The following ACSF3 variants were observed in gnomAD, a reference collection of about 807,000 sequenced individuals.
ACSF3 encodes acyl-CoA synthetase family member 3.
In ACSF3, 78 loss-of-function variants were observed where a neutral mutation model predicts 53.2. That is an observed-to-expected ratio of 1.47 (90% CI 1.22 to 1.77). ACSF3 has a LOEUF of 1.77. Among genes scored for constraint, ACSF3 ranks in the 40% most tolerant of loss-of-function variants. The pLI is 0.00. For missense variants in ACSF3, 937 were observed against 771.1 expected, an observed-to-expected ratio of 1.22 and a Z score of -2.55; for synonymous variants, 414 against 333.1, an observed-to-expected ratio of 1.24 and a Z score of -2.65.
chr16:89,135,721 G>T (rs1266326055), intron 8 of ACSF3, among the ~76,000 whole-genome samples: 2 of 152,256 alleles, frequency 1.3e-5, no homozygotes, highest in Non-Finnish European at 2.9e-5. Context: ...CATCCCTCCA[G>T]TGCCCTCTGA....
At position 89,127,248 on chromosome 16, in the gene ACSF3, TCTCTC is replaced by T. The variant is rs1288786180; in HGVS notation, c.1240-5883_1240-5879del. On this transcript the variant is annotated intron_variant, in intron 7 of 10. Transcript: ENST00000614302. ...CCTCATTAAATGAGTTGGGAAGTGT[TCTCTC>T]CTCTTTTTTTTTCTGGAAGAGATTG... is the stretch of plus-strand genomic sequence containing the variant. Among the ~76,000 whole-genome samples, 55 of 152,252 alleles carry T rather than the reference TCTCTC, an allele frequency of 3.6e-4. 1 individual carries two copies. Among genetic ancestry groups the T allele is most frequent in the Middle Eastern group, 6.8e-3 (2 of 294 alleles).
At chr16:89,095,250 C>T (rs958592245) in intron 1 of ACSF3, 1 of 152,330 alleles carries the variant, frequency 6.6e-6, no homozygotes, top group African/African-American at 2.4e-5. Flanking sequence ...GGCTCTGAAC[C>T]ATCTCCTCAA....
At chr16:89,106,846 A>T (rs1459047549) in intron 4 of ACSF3, among the ~76,000 whole-genome samples, 2 of 152,218 alleles carry the variant, frequency 1.3e-5, no homozygotes, top group African/African-American at 4.8e-5. Context: ...TCCTGCACAG[A>T]GGGCCGTGGG....
chr16:89,114,274 TGCCACCTTTGCACGCGAGA>T (rs1904637609), intron 5 of ACSF3, 46 bp from the exon 6 acceptor site: 1 of 1,606,930 alleles, frequency 6.2e-7, no homozygotes, highest in South Asian at 1.1e-5. Flanking sequence ...GGGCTAAACC[TGCCACCTTTGCACGCGAGA>T]GCCACGTCCC....
intron 8 of ACSF3, chr16:89,141,023 T>G (rs1247742368): frequency 8.1e-7 from 1 of 1,234,470 alleles, no homozygotes; most frequent in East Asian, 5.8e-5. Context: ...TAGGTTGTTA[T>G]GGAAAGTAAA....
At chr16:89,144,311 C>T (rs908740115) in intron 8 of ACSF3, among the ~76,000 whole-genome samples, 5 of 152,256 alleles carry the variant, frequency 3.3e-5, no homozygotes, top group South Asian at 2.1e-4. Context: ...GCAAGGGCCA[C>T]GTCGTGGCTT....
intron 4 of ACSF3, among the ~76,000 whole-genome samples, chr16:89,105,086 C>T (rs118072370): frequency 0.028 from 4,167 of 149,290 alleles, 208 homozygotes; most frequent in East Asian, 0.18. Context: ...CTGAGGGCCC[C>T]GTCGCCAGGG....
In ACSF3 at chr16:89,154,437, C is replaced by T. The variant is rs762693999; in HGVS notation, c.*230C>T. ...CCTGGTGTCACCTCTGCCTGGTCAC[C>T]GCCGACCTCATCTGTGCAGCGCGGT... On this transcript the variant is annotated 3_prime_UTR_variant, in exon 11 of 11. Coordinates refer to ENST00000614302, the MANE Select transcript of ACSF3 (RefSeq NM_001243279.3). The T allele has an allele frequency of 1.8e-5, 12 of 659,016 alleles. No homozygotes were observed. The highest frequency in any genetic ancestry group is 5.3e-5 in the African/African-American group (3 of 56,158). 40.8% of individuals were successfully genotyped at this position (659,016 alleles called of 1,614,324 possible). A position where few individuals can be genotyped will look rare whatever the true frequency, so the allele number is the denominator to read the frequency against.
chr16:89,142,674 CAG>C (rs1316649718), intron 8 of ACSF3, among the ~76,000 whole-genome samples: 1 of 149,804 alleles, frequency 6.7e-6, no homozygotes, highest in Admixed American at 6.7e-5. Flanking sequence ...GCCACACCTG[CAG>C]AGACACCCTC....
intron 3 of ACSF3, 68 bp downstream of exon 3, chr16:89,101,415 A>C (rs1975326160): frequency 1.3e-6 from 2 of 1,547,146 alleles, no homozygotes; most frequent in Non-Finnish European, 1.7e-6. Flanking sequence ...TCCGGGCCAG[A>C]AGCACATCTT....
intron 6 of ACSF3, chr16:89,114,735 A>G: frequency 1.7e-6 from 1 of 576,750 alleles, no homozygotes; most frequent in Non-Finnish European, 3.1e-6. Context: ...TGGCTGTATG[A>G]CTGGGGAGAC....
At chr16:89,118,561 A>AAGAG (rs34894187) in intron 6 of ACSF3, among the ~76,000 whole-genome samples, 113,657 of 151,752 alleles carry the variant, frequency 0.75, 43,076 homozygotes, top group Non-Finnish European at 0.8. Flanking sequence ...CCGTGCTCGG[A>AAGAG]AGAGAGAGAA....
At chr16:89,124,359 CCTGTGCACACTGCATGTGTGTGATACCT>C (rs1567716745) in intron 7 of ACSF3, among the ~76,000 whole-genome samples, 2 of 150,498 alleles carry the variant, frequency 1.3e-5, no homozygotes. Flanking sequence ...GTGTGATACC[CCTGTGCACACTGCATGTGTGTGATACCT>C]GTGTGTGCAC....
At chr16:89,098,341 G>T (rs911474957) in intron 1 of ACSF3, among the ~76,000 whole-genome samples, 3 of 152,228 alleles carry the variant, frequency 2.0e-5, no homozygotes, top group Non-Finnish European at 4.4e-5. Context: ...AGATGTGCTG[G>T]AGAGAGAGAA....
chr16:89,116,587 G>A (rs1408163651), intron 6 of ACSF3, among the ~76,000 whole-genome samples: 1 of 152,224 alleles, frequency 6.6e-6, no homozygotes, highest in African/African-American at 2.4e-5. Context: ...CCATGGCAGC[G>A]AGATCCTCAG....
intron 10 of ACSF3, among the ~76,000 whole-genome samples, chr16:89,146,580 C>T (rs898234900): frequency 5.9e-5 from 9 of 152,216 alleles, no homozygotes; most frequent in African/African-American, 2.2e-4. Flanking sequence ...CTGAAGGTGC[C>T]TCACACACCT....
intron 4 of ACSF3, among the ~76,000 whole-genome samples, chr16:89,104,247 G>C (rs895509183): frequency 1.3e-5 from 2 of 152,244 alleles, no homozygotes. Context: ...AGTTTAACAC[G>C]TGAATGTATG....
intron 7 of ACSF3, among the ~76,000 whole-genome samples, chr16:89,128,035 T>C (rs1341079589): frequency 6.6e-6 from 1 of 151,992 alleles, no homozygotes; most frequent in African/African-American, 2.4e-5. Context: ...TTTGGATACA[T>C]TGATTTTTCT....
intron 8 of ACSF3, among the ~76,000 whole-genome samples, chr16:89,144,187 T>C (rs1912444495): frequency 6.6e-6 from 1 of 152,246 alleles, no homozygotes; most frequent in South Asian, 2.1e-4. Flanking sequence ...CAGCCCGCTC[T>C]TCCCGACTCC....
Sources: allele counts gnomAD v4.1 joint callset (sites outside exome capture counted in the v4.1 genomes callset), GRCh38; gene constraint gnomAD v4.1.1; transcripts MANE v1.5; gene names NCBI Gene and HGNC (gene_info 2026-07-23, HGNC 2026-07-21).